The following WDR47 variants were observed in gnomAD, a reference collection of about 807,000 sequenced individuals.
WDR47 encodes the protein WD repeat domain 47.
A neutral mutation model predicts 97.2 loss-of-function variants in WDR47; 32 were observed. The observed-to-expected ratio is 0.33, with a 90% confidence interval of 0.25 to 0.44. The LOEUF (loss-of-function observed/expected upper bound fraction) is 0.44. Ranked by LOEUF, WDR47 falls within the 20% of genes least tolerant of loss-of-function variation. WDR47 has a pLI of 1.00. For synonymous variants in WDR47, 375 were observed against 373.5 expected, an observed-to-expected ratio of 1.00 and a Z score of -0.05; for missense variants, 782 against 1,102.3, an observed-to-expected ratio of 0.71 and a Z score of 4.11.
chr1:109,007,794 CTA>C (rs1351344092), intron 5 of WDR47, among the ~76,000 whole-genome samples: 1 of 152,152 alleles, frequency 6.6e-6, no homozygotes, highest in Non-Finnish European at 1.5e-5. Flanking sequence ...TTGTTCAGAC[CTA>C]TGTCTGACTT....
At chr1:109,012,126 T>C (rs1004450773) in intron 4 of WDR47, among the ~76,000 whole-genome samples, 16 of 152,116 alleles carry the variant, frequency 1.1e-4, no homozygotes, top group Non-Finnish European at 7.4e-5. Flanking sequence ...AAATATATAA[T>C]TTTTTAACGG....
At chr1:108,986,778 T>G in intron 9 of WDR47, 98 bp from the exon 10 acceptor site, 1 of 1,043,254 alleles carries the variant, frequency 9.6e-7, no homozygotes. Context: ...TTATTATTCT[T>G]GTTGGATCAT....
At chr1:109,019,932 A>G (rs1390547527) in intron 2 of WDR47, among the ~76,000 whole-genome samples, 1 of 152,324 alleles carries the variant, frequency 6.6e-6, no homozygotes. Context: ...GATTAACAAT[A>G]TGCTGCAAAG....
At chr1:109,038,928 G>A (rs542550871) in intron 1 of WDR47, among the ~76,000 whole-genome samples, 56 of 152,068 alleles carry the variant, frequency 3.7e-4, no homozygotes, top group African/African-American at 1.3e-3. Flanking sequence ...GCAGTGAGCC[G>A]AGATCACGCC....
At chr1:109,004,275 A>C (rs1660421222) in intron 6 of WDR47, among the ~76,000 whole-genome samples, 1 of 152,082 alleles carries the variant, frequency 6.6e-6, no homozygotes, top group Non-Finnish European at 1.5e-5. Context: ...AAAAAAAAAA[A>C]AACAAACGTA....
In WDR47 at chr1:108,989,042, C is replaced by T. The variant is rs937817784; in HGVS notation, c.1767+2212G>A. On this transcript the variant is annotated intron_variant, in intron 9 of 14. Transcript: ENST00000369962. The stretch of plus-strand genomic sequence containing the variant: ...AAAGTGCTGGGATTACAGGTGTGAG[C>T]CACCACGCCTAGCCTCATTTTTACT... 2.0e-5 allele frequency among the ~76,000 whole-genome samples: 3 copies of T among 152,136 alleles called. No homozygotes were observed. The East Asian group carries it at 5.8e-4, about 29-fold the overall frequency.
At chr1:108,971,617 A>T (rs764331268) in intron 14 of WDR47, 45 bp from the exon 15 acceptor site, 38 of 1,607,680 alleles carry the variant, frequency 2.4e-5, no homozygotes, top group Middle Eastern at 1.7e-4. Flanking sequence ...AAATAAGTAT[A>T]TGTATAGATT....
rs1241743347 is a variant in WDR47, at chr1:108,980,596, G to T, written c.2398+1137C>A. ...ATACCAAAATTAGCCGGGTATGGTGGTGGGCGCCTGTAGTTCCAGCTACTC... is the reference window on the plus strand; with the variant it reads ...ATACCAAAATTAGCCGGGTATGGTGTTGGGCGCCTGTAGTTCCAGCTACTC... On this transcript the variant is annotated intron_variant, in intron 13 of 14. Transcript: ENST00000369962. Among the ~76,000 whole-genome samples the T allele has an allele frequency of 1.3e-5, 2 of 151,970 alleles. 1 individual carries two copies. The highest frequency in any genetic ancestry group is 4.8e-5 in the African/African-American group (2 of 41,342).
intron 6 of WDR47, among the ~76,000 whole-genome samples, chr1:109,004,154 A>G (rs922142398): frequency 1.1e-4 from 17 of 151,646 alleles, no homozygotes; most frequent in African/African-American, 3.9e-4. Flanking sequence ...GGTCCCAGCT[A>G]CTCGGGAGGC....
chr1:109,004,951 C>T (rs1476575846), intron 5 of WDR47, among the ~76,000 whole-genome samples: 3 of 152,078 alleles, frequency 2.0e-5, no homozygotes, highest in Non-Finnish European at 2.9e-5. Context: ...CCACCACACC[C>T]GCCTAATTTT....
intron 10 of WDR47, among the ~76,000 whole-genome samples, chr1:108,984,654 C>T (rs1273219064): frequency 2.0e-5 from 3 of 152,026 alleles, no homozygotes; most frequent in African/African-American, 7.2e-5. Context: ...CCGAGGAGGG[C>T]GGATCAAGAG....
rs552943954 is a variant in WDR47 at position 109,039,671 on chromosome 1, C to T, written c.-10+2191G>A. Among the ~76,000 whole-genome samples the T allele has an allele frequency of 4.6e-5, 7 of 151,772 alleles. No individual in the cohort carries two copies. In the South Asian group the frequency reaches 1.5e-3, roughly 31 times the overall value. On this transcript the variant is annotated intron_variant, in intron 1 of 14. Transcript: ENST00000369962. ...GCTATTCGGTGTAATAGTCTCAAAA[C>T]TGAAGTATCCTCAGGTGTGGGCCAG...
At chr1:108,992,905 A>G in intron 8 of WDR47, 1 of 1,086,962 alleles carries the variant, frequency 9.2e-7, no homozygotes, top group Non-Finnish European at 1.3e-6. Flanking sequence ...AGAGGTGAGG[A>G]AATTGCTAAA....
chr1:108,994,340 T>C (rs1342775512), intron 8 of WDR47, among the ~76,000 whole-genome samples: 3 of 152,150 alleles, frequency 2.0e-5, no homozygotes, highest in African/African-American at 7.2e-5. Flanking sequence ...GAGGTTGCAG[T>C]GAGCTGAGAT....
chr1:109,007,318 A>G (rs931629613), intron 5 of WDR47, among the ~76,000 whole-genome samples: 16 of 151,346 alleles, frequency 1.1e-4, no homozygotes, highest in Admixed American at 9.3e-4. Context: ...GCTTCTATAT[A>G]TATAACATTT....
intron 1 of WDR47, among the ~76,000 whole-genome samples, chr1:109,039,808 G>C (rs544714436): frequency 2.6e-4 from 39 of 152,096 alleles, no homozygotes; most frequent in African/African-American, 9.2e-4. Flanking sequence ...GCCCAAGGCG[G>C]GTGGATCACC....
chr1:109,022,402 C>CA (rs1661909493), intron 2 of WDR47, among the ~76,000 whole-genome samples: 2 of 150,404 alleles, frequency 1.3e-5, no homozygotes, highest in South Asian at 2.1e-4. Flanking sequence ...TTTCTATGGC[C>CA]AAAAAATGGT....
intron 6 of WDR47, among the ~76,000 whole-genome samples, chr1:109,004,171 A>C (rs1046802352): frequency 1.3e-5 from 2 of 151,922 alleles, no homozygotes; most frequent in Non-Finnish European, 2.9e-5. Flanking sequence ...AGGCTGAGGC[A>C]GGAGAGTGGC....
intron 1 of WDR47, among the ~76,000 whole-genome samples, chr1:109,026,292 C>T (rs558559196): frequency 6.6e-6 from 1 of 151,846 alleles, no homozygotes; most frequent in South Asian, 2.1e-4. Context: ...CTCAAGCAAT[C>T]CTCTCGCCTC....
Sources: allele counts gnomAD v4.1 joint callset (sites outside exome capture counted in the v4.1 genomes callset), GRCh38; gene constraint gnomAD v4.1.1; transcripts MANE v1.5; gene names NCBI Gene and HGNC (gene_info 2026-07-23, HGNC 2026-07-21).